The following CSMD2 variants were observed in gnomAD, a reference collection of about 807,000 sequenced individuals.
CSMD2 encodes CUB and Sushi multiple domains 2.
A neutral mutation model predicts 398.5 loss-of-function variants in CSMD2; 130 were observed. That is an observed-to-expected ratio of 0.33 (90% CI 0.28 to 0.38). CSMD2 has a LOEUF of 0.38. Among genes scored for constraint, CSMD2 ranks in the 10% least tolerant of loss-of-function variants. The pLI, the probability that CSMD2 is intolerant of heterozygous loss-of-function variation, is 1.00. For synonymous variants in CSMD2, 1,828 were observed against 1,908.5 expected, an observed-to-expected ratio of 0.96 and a Z score of 1.10; for missense variants, 3,829 against 4,764.9, an observed-to-expected ratio of 0.80 and a Z score of 5.78.
intron 55 of CSMD2, among the ~76,000 whole-genome samples, chr1:33,556,971 A>T (rs55653487): frequency 0.05 from 7,651 of 152,228 alleles, 260 homozygotes; most frequent in South Asian, 0.15. Context: ...TAAATTACCC[A>T]GTCTTGGGCA....
intron 3 of CSMD2, among the ~76,000 whole-genome samples, chr1:34,024,541 C>A (rs572313962): frequency 5.3e-5 from 8 of 152,302 alleles, no homozygotes; most frequent in Admixed American, 5.2e-4. Context: ...AGAAGTGCTG[C>A]CCAATTTGTC....
At chr1:33,669,981 T>C (rs932899463) in intron 25 of CSMD2, among the ~76,000 whole-genome samples, 1 of 152,294 alleles carries the variant, frequency 6.6e-6, no homozygotes, top group East Asian at 1.9e-4. Context: ...TCTTGGCCCA[T>C]TGAGAACATG....
chr1:33,909,942 A>T, intron 5 of CSMD2, among the ~76,000 whole-genome samples: 1 of 151,576 alleles, frequency 6.6e-6, no homozygotes, highest in African/African-American at 2.4e-5. Flanking sequence ...TCCCCACTCC[A>T]CCCCAGCCCA....
intron 2 of CSMD2, among the ~76,000 whole-genome samples, chr1:34,080,493 C>T (rs1656949121): frequency 6.6e-6 from 1 of 151,956 alleles, no homozygotes; most frequent in Non-Finnish European, 1.5e-5. Context: ...TCAACAAATT[C>T]TCCAAAGTAG....
chr1:33,721,584 G>A (rs966663480), intron 19 of CSMD2, among the ~76,000 whole-genome samples: 4 of 152,178 alleles, frequency 2.6e-5, no homozygotes, highest in Non-Finnish European at 5.9e-5. Flanking sequence ...AAACAGCTCT[G>A]CAGGATGAAC....
intron 41 of CSMD2, among the ~76,000 whole-genome samples, chr1:33,607,071 C>A (rs983753397): frequency 6.6e-6 from 1 of 152,178 alleles, no homozygotes; most frequent in African/African-American, 2.4e-5. Flanking sequence ...CAATTTCAAG[C>A]AAAATGCCAT....
intron 5 of CSMD2, among the ~76,000 whole-genome samples, chr1:33,902,465 G>A (rs1642816943): frequency 6.6e-6 from 1 of 152,080 alleles, no homozygotes; most frequent in Admixed American, 6.5e-5. Context: ...TGGTGCACAC[G>A]AATCCACAGT....
intron 3 of CSMD2, among the ~76,000 whole-genome samples, chr1:33,953,395 T>C (rs1474544726): frequency 6.6e-6 from 1 of 152,056 alleles, no homozygotes; most frequent in Non-Finnish European, 1.5e-5. Flanking sequence ...CACATGCCCC[T>C]GAATCCTCGC....
chr1:33,684,781 C>T (rs544898019), intron 25 of CSMD2, among the ~76,000 whole-genome samples: 2 of 152,350 alleles, frequency 1.3e-5, no homozygotes, highest in Admixed American at 1.3e-4. Flanking sequence ...TGGAAAGGTG[C>T]TTCCTCCCTG....
chr1:33,900,144 C>G (rs1246224065), intron 5 of CSMD2, among the ~76,000 whole-genome samples: 1 of 152,194 alleles, frequency 6.6e-6, no homozygotes, highest in Non-Finnish European at 1.5e-5. Context: ...GATTTACAAG[C>G]TGGGAATCTG....
At chr1:34,158,740 C>A (rs1641037126) in intron 1 of CSMD2, among the ~76,000 whole-genome samples, 1 of 152,144 alleles carries the variant, frequency 6.6e-6, no homozygotes, top group Non-Finnish European at 1.5e-5. Context: ...CAAGGGCTTT[C>A]CAAAAAGATG....
At chr1:34,119,240 C>T (rs911868607) in intron 1 of CSMD2, among the ~76,000 whole-genome samples, 1 of 151,960 alleles carries the variant, frequency 6.6e-6, no homozygotes, top group African/African-American at 2.4e-5. Context: ...AAAGTTGGAC[C>T]CTTACCATAT....
At chr1:33,792,883 A>G (rs1654488371) in intron 10 of CSMD2, among the ~76,000 whole-genome samples, 1 of 152,174 alleles carries the variant, frequency 6.6e-6, no homozygotes, top group African/African-American at 2.4e-5. Flanking sequence ...TTCAGGCCAC[A>G]TGTGGAATCT....
intron 3 of CSMD2, among the ~76,000 whole-genome samples, chr1:33,973,618 T>A (rs1645851392): frequency 6.6e-6 from 1 of 152,186 alleles, no homozygotes; most frequent in Non-Finnish European, 1.5e-5. Flanking sequence ...CTTTCTTGCC[T>A]GCCTGTTAGT....
At chr1:33,570,576 T>C (rs992990745) in intron 51 of CSMD2, among the ~76,000 whole-genome samples, 3 of 152,172 alleles carry the variant, frequency 2.0e-5, no homozygotes, top group Non-Finnish European at 2.9e-5. Context: ...GACATCTGCA[T>C]TGGTCACATA....
intron 10 of CSMD2, chr1:33,804,778 C>CA (rs1256394312): frequency 4.2e-6 from 3 of 717,328 alleles, no homozygotes; most frequent in Non-Finnish European, 7.8e-6. Flanking sequence ...GGGTTAGGCA[C>CA]ACAGCATCCA....
intron 3 of CSMD2, among the ~76,000 whole-genome samples, chr1:33,958,553 C>A (rs1645244855): frequency 6.6e-6 from 1 of 152,150 alleles, no homozygotes; most frequent in Admixed American, 6.5e-5. Context: ...AAAAGAAATT[C>A]TCCTGGGTGA....
At chr1:34,043,919 T>C (rs1007891821) in intron 2 of CSMD2, among the ~76,000 whole-genome samples, 3 of 152,216 alleles carry the variant, frequency 2.0e-5, no homozygotes, top group Non-Finnish European at 2.9e-5. Context: ...CAATATTTCA[T>C]ATGTGTTGTC....
intron 1 of CSMD2, among the ~76,000 whole-genome samples, chr1:34,096,028 C>A (rs1247986203): frequency 6.6e-6 from 1 of 151,750 alleles, no homozygotes; most frequent in Non-Finnish European, 1.5e-5. Context: ...ACTGGCAAAC[C>A]GAATCCAGCA....
Sources: gnomAD v4.1 joint callset for allele counts (sites outside exome capture counted in the v4.1 genomes callset) on GRCh38, gnomAD v4.1.1 for gene constraint, MANE v1.5 for transcripts, NCBI Gene and HGNC (gene_info 2026-07-23, HGNC 2026-07-21) for gene names.